RBFOX1: variants seen among roughly 807,000 people sequenced by gnomAD.
RBFOX1 encodes RNA binding fox-1 homolog 1, also known as RNA binding protein fox-1 homolog 1.
A neutral mutation model predicts 57.7 loss-of-function variants in RBFOX1; 8 were observed. That is an observed-to-expected ratio of 0.14 (90% CI 0.08 to 0.25). The LOEUF (loss-of-function observed/expected upper bound fraction) is 0.25, where lower values mean the gene tolerates loss of function less well. Among genes scored for constraint, RBFOX1 ranks in the 10% least tolerant of loss-of-function variants. The pLI, the probability that RBFOX1 is intolerant of heterozygous loss-of-function variation, is 1.00. For missense variants in RBFOX1, 611 were observed against 548.5 expected, an observed-to-expected ratio of 1.11 and a Z score of -1.14; for synonymous variants, 326 against 222.4, an observed-to-expected ratio of 1.47 and a Z score of -4.15.
intron 2 of RBFOX1, among the ~76,000 whole-genome samples, chr16:5,584,887 G>A (rs1410455070): frequency 6.6e-6 from 1 of 152,158 alleles, no homozygotes. Flanking sequence ...GTACAGATGT[G>A]TGTAGAAATC....
intron 2 of RBFOX1, among the ~76,000 whole-genome samples, chr16:6,633,189 G>C (rs1367177936): frequency 1.3e-5 from 2 of 152,146 alleles, no homozygotes; most frequent in African/African-American, 4.8e-5. Context: ...CAGATGTCCA[G>C]AACTACTTAC....
chr16:6,916,214 A>C (rs1247640365), intron 3 of RBFOX1, among the ~76,000 whole-genome samples: 3 of 152,302 alleles, frequency 2.0e-5, no homozygotes, highest in Admixed American at 6.5e-5. Flanking sequence ...GGAGGCATTC[A>C]CGGAGCTGGG....
At chr16:5,425,418 C>G (rs1342046937) in intron 1 of RBFOX1, among the ~76,000 whole-genome samples, 1 of 152,048 alleles carries the variant, frequency 6.6e-6, no homozygotes, top group Non-Finnish European at 1.5e-5. Context: ...TGTGTGTTTT[C>G]TATGCTAAGT....
intron 4 of RBFOX1, among the ~76,000 whole-genome samples, chr16:7,500,616 C>T (rs974428478): frequency 6.6e-6 from 1 of 152,268 alleles, no homozygotes; most frequent in East Asian, 1.9e-4. Flanking sequence ...GGGTTCATAT[C>T]ACTAGATATG....
intron 2 of RBFOX1, among the ~76,000 whole-genome samples, chr16:5,520,976 G>C (rs2043989482): frequency 6.6e-6 from 1 of 152,180 alleles, no homozygotes; most frequent in African/African-American, 2.4e-5. Flanking sequence ...TGTGTCCTTT[G>C]AGTAAGAAAA....
chr16:7,184,343 C>G (rs1261244552), intron 4 of RBFOX1, among the ~76,000 whole-genome samples: 2 of 152,096 alleles, frequency 1.3e-5, no homozygotes, highest in Admixed American at 1.3e-4. Flanking sequence ...TGTTCCTTAG[C>G]TGAAGAGAGA....
intron 3 of RBFOX1, among the ~76,000 whole-genome samples, chr16:7,015,830 T>G (rs2093883447): frequency 6.6e-6 from 1 of 152,152 alleles, no homozygotes; most frequent in Non-Finnish European, 1.5e-5. Flanking sequence ...GAAATATTAT[T>G]CCACAATAAG....
At chr16:7,186,819 G>T (rs1014150652) in intron 4 of RBFOX1, among the ~76,000 whole-genome samples, 24 of 151,000 alleles carry the variant, frequency 1.6e-4, no homozygotes, top group Non-Finnish European at 3.1e-4. Context: ...GTATTAAAAT[G>T]TATTCAGTGT....
At position 7,134,071 on chromosome 16, in the gene RBFOX1, G is replaced by A. The variant is rs142699173; in HGVS notation, c.27+81973G>A. Among the ~76,000 whole-genome samples, 636 of 152,296 alleles carry A rather than the reference G, an allele frequency of 4.2e-3. 3 individuals are homozygous for A. The highest frequency in any genetic ancestry group is 6.8e-3 in the Non-Finnish European group (463 of 68,030). On this transcript the variant is annotated intron_variant, in intron 4 of 15. Transcript: ENST00000550418. ...GGGCCTCAGTAATGGAGGGAATCAC[G>A]TTAGCACTTGGCAGTTTGTTATGCT...
intron 3 of RBFOX1, among the ~76,000 whole-genome samples, chr16:6,821,078 C>T (rs955827701): frequency 1.3e-5 from 2 of 152,140 alleles, no homozygotes; most frequent in Non-Finnish European, 2.9e-5. Flanking sequence ...AAACACATCT[C>T]AGAAATGTTA....
rs868511964 is a variant in RBFOX1, at chr16:7,509,629, G to A, written c.28-8518G>A. On this transcript the variant is annotated intron_variant, in intron 4 of 15. Transcript: ENST00000550418. ...TTCAAAATCTTCCAAGTCATCATCA[G>A]TTATGGTATTTTTAAGATCGATTTG... Among the ~76,000 whole-genome samples, 7 of 152,274 alleles carry A rather than the reference G, an allele frequency of 4.6e-5. No individual in the cohort carries two copies. In the East Asian group the frequency reaches 9.6e-4, roughly 21 times the overall value.
chr16:6,613,158 C>T (rs1335393638), intron 2 of RBFOX1, among the ~76,000 whole-genome samples: 2 of 152,080 alleles, frequency 1.3e-5, no homozygotes, highest in Non-Finnish European at 2.9e-5. Context: ...AGGCATTATG[C>T]TTGCTGCGTG....
At chr16:6,592,483 G>A (rs1419441106) in intron 2 of RBFOX1, among the ~76,000 whole-genome samples, 1 of 152,224 alleles carries the variant, frequency 6.6e-6, no homozygotes, top group East Asian at 1.9e-4. Flanking sequence ...GAAATGACCA[G>A]TGGTAAAATG....
At chr16:6,398,078 A>G (rs1272634989) in intron 2 of RBFOX1, among the ~76,000 whole-genome samples, 1 of 152,146 alleles carries the variant, frequency 6.6e-6, no homozygotes, top group Admixed American at 6.5e-5. Context: ...AGGGTAAGCA[A>G]ACACGTCCTT....
At chr16:7,562,394 T>G (rs972074832) in intron 5 of RBFOX1, among the ~76,000 whole-genome samples, 2 of 151,844 alleles carry the variant, frequency 1.3e-5, no homozygotes, top group Non-Finnish European at 2.9e-5. Flanking sequence ...GTTCTAAGGG[T>G]GTCCAGGAGG....
intron 2 of RBFOX1, among the ~76,000 whole-genome samples, chr16:6,599,214 A>C (rs1442548753): frequency 2.0e-5 from 3 of 146,982 alleles, no homozygotes; most frequent in African/African-American, 8.2e-5. Context: ...GTTGCAAATC[A>C]TTATCCAGAA....
At position 7,041,922 on chromosome 16, in the gene RBFOX1, A is replaced by G. The variant is rs61596784; in HGVS notation, c.-15-10135A>G. ...ACTTTGCAGGTACCATATTATCTCT[A>G]TGGTACAAATGGGGAAATTGCCTGC... On this transcript the variant is annotated intron_variant, in intron 3 of 15. Transcript: ENST00000550418. Among the ~76,000 whole-genome samples, 364 of 125,822 alleles carry G rather than the reference A, an allele frequency of 2.9e-3. 3 individuals are homozygous for G. Among genetic ancestry groups the G allele is most frequent in the African/African-American group, 0.011 (313 of 29,242 alleles). The allele number at this position is 125,822 out of a possible 152,430, so 82.5% of individuals were successfully genotyped here.
At chr16:7,616,550 G>A (rs2058478910) in intron 10 of RBFOX1, among the ~76,000 whole-genome samples, 1 of 152,168 alleles carries the variant, frequency 6.6e-6, no homozygotes, top group African/African-American at 2.4e-5. Context: ...AAGGCCTCAG[G>A]CATACAAAAA....
chr16:6,348,973 G>C (rs935465037), intron 2 of RBFOX1, among the ~76,000 whole-genome samples: 6 of 152,172 alleles, frequency 3.9e-5, no homozygotes, highest in African/African-American at 1.4e-4. Flanking sequence ...TGGAAGTCAA[G>C]CGCTTCAAAA....
Sources: allele counts gnomAD v4.1 joint callset (sites outside exome capture counted in the v4.1 genomes callset), GRCh38; gene constraint gnomAD v4.1.1; transcripts MANE v1.5; gene names NCBI Gene and HGNC (gene_info 2026-07-23, HGNC 2026-07-21).